The following INSR variants were observed in gnomAD, a reference collection of about 807,000 sequenced individuals.
INSR encodes IR.
A neutral mutation model predicts 142.6 loss-of-function variants in INSR; 67 were observed. The ratio of observed to expected loss-of-function variants is 0.47; its 90% CI spans 0.39 to 0.58. The LOEUF (loss-of-function observed/expected upper bound fraction) is 0.58. Among genes scored for constraint, INSR ranks in the 20% least tolerant of loss-of-function variants. The pLI, the probability that INSR is intolerant of heterozygous loss-of-function variation, is 0.00. For synonymous variants in INSR, 756 were observed against 743.1 expected, an observed-to-expected ratio of 1.02 and a Z score of -0.28; for missense variants, 1,248 against 1,833.2, an observed-to-expected ratio of 0.68 and a Z score of 5.83.
intron 2 of INSR, among the ~76,000 whole-genome samples, chr19:7,222,428 C>T (rs527479363): frequency 4.1e-4 from 62 of 152,214 alleles, no homozygotes; most frequent in African/African-American, 1.5e-3. Flanking sequence ...GGGTCTTGCT[C>T]TGTTGTCCTG....
chr19:7,184,822 A>C (rs1207004181), intron 2 of INSR, among the ~76,000 whole-genome samples, 185 bp from the exon 3 acceptor site: 1 of 152,158 alleles, frequency 6.6e-6, no homozygotes, highest in Non-Finnish European at 1.5e-5. Context: ...TGTCAGACAC[A>C]TCTATTAACT....
At chr19:7,176,397 T>A (rs1348010616) in intron 3 of INSR, among the ~76,000 whole-genome samples, 1 of 152,208 alleles carries the variant, frequency 6.6e-6, no homozygotes, top group East Asian at 1.9e-4. Flanking sequence ...GGCCAGGAGT[T>A]CGAGACCAGC....
intron 17 of INSR, among the ~76,000 whole-genome samples, chr19:7,124,952 T>G (rs920729065): frequency 6.6e-6 from 1 of 151,554 alleles, no homozygotes; most frequent in Non-Finnish European, 1.5e-5. Context: ...CAATGGAAGA[T>G]TGTGGAAAAT....
At chr19:7,275,538 T>G (rs894709749) in intron 1 of INSR, among the ~76,000 whole-genome samples, 1 of 151,998 alleles carries the variant, frequency 6.6e-6, no homozygotes, top group Non-Finnish European at 1.5e-5. Context: ...ATCCCAGCAC[T>G]TTGGGAGGCC....
intron 13 of INSR, 76 bp downstream of exon 13, chr19:7,141,601 G>A (rs1391690005): frequency 1.3e-6 from 2 of 1,594,344 alleles, no homozygotes; most frequent in South Asian, 1.1e-5. Flanking sequence ...TTCAGCAGAG[G>A]AAGGAGGTAC....
intron 19 of INSR, among the ~76,000 whole-genome samples, chr19:7,121,586 C>A (rs36035559): frequency 0.11 from 17,159 of 152,108 alleles, 1,297 homozygotes; most frequent in Non-Finnish European, 0.16. Flanking sequence ...CCCACCCCAG[C>A]CTCCTGAGTA....
rs1968581001 is a variant in INSR, at chr19:7,294,299, C to A, written c.-408G>T. Among the ~76,000 whole-genome samples, 1 of 149,958 alleles carries A rather than the reference C, an allele frequency of 6.7e-6. No individual in the cohort carries two copies. On this transcript the variant is annotated 5_prime_UTR_variant, in exon 1 of 22. Coordinates refer to ENST00000302850, the MANE Select transcript of INSR (RefSeq NM_000208.4). ...ACGGACTAGCTGACTGGCGGGCGGG[C>A]ACCTGGGCTGGCGGGTGGCGGGCGG... is the stretch of plus-strand genomic sequence containing the variant.
intron 13 of INSR, among the ~76,000 whole-genome samples, chr19:7,133,565 T>G (rs774809023): frequency 6.6e-6 from 1 of 152,070 alleles, no homozygotes; most frequent in Non-Finnish European, 1.5e-5. Context: ...TTAATCATTT[T>G]AAAATGCAAA....
intron 9 of INSR, among the ~76,000 whole-genome samples, chr19:7,161,131 T>C (rs1464154026): frequency 6.7e-6 from 1 of 149,630 alleles, no homozygotes; most frequent in African/African-American, 2.4e-5. Context: ...TAAGAAAAAT[T>C]TGTCATTAAG....
chr19:7,151,061 TTTC>T (rs1973326662), intron 10 of INSR, among the ~76,000 whole-genome samples: 1 of 73,452 alleles, frequency 1.4e-5, no homozygotes, highest in African/African-American at 3.1e-5. Context: ...TTCTCTTTCT[TTTC>T]TTTCTTTTCC....
intron 11 of INSR, 82 bp from the exon 12 acceptor site, chr19:7,143,172 G>T: frequency 6.7e-7 from 1 of 1,489,726 alleles, no homozygotes. Flanking sequence ...TAAAAGGCTT[G>T]ATTAAGAAGA....
intron 1 of INSR, among the ~76,000 whole-genome samples, chr19:7,289,405 CTTTT>C (rs777933899): frequency 7.7e-6 from 1 of 130,216 alleles, no homozygotes; most frequent in Non-Finnish European, 1.7e-5. Flanking sequence ...TTTTTCTTTT[CTTTT>C]TTTTTTTTTT....
chr19:7,233,923 G>A (rs867524764), intron 2 of INSR, among the ~76,000 whole-genome samples: 16 of 151,184 alleles, frequency 1.1e-4, no homozygotes, highest in South Asian at 4.2e-4. Flanking sequence ...TGATGTGCCC[G>A]CATTCTGTCA....
At chr19:7,142,667 TG>T in intron 12 of INSR, 148 bp downstream of exon 12, 1 of 950,228 alleles carries the variant, frequency 1.1e-6, no homozygotes, top group Non-Finnish European at 1.6e-6. Context: ...TACTCCAGCC[TG>T]GGCGACAGAG....
chr19:7,221,397 AG>A (rs1975608684), intron 2 of INSR, among the ~76,000 whole-genome samples: 1 of 143,828 alleles, frequency 7.0e-6, no homozygotes, highest in Admixed American at 7.1e-5. Context: ...GAGGAGGAGG[AG>A]GAGGAGGAAA....
At chr19:7,276,442 CAGTA>C (rs1312700730) in intron 1 of INSR, among the ~76,000 whole-genome samples, 1 of 136,314 alleles carries the variant, frequency 7.3e-6, no homozygotes, top group African/African-American at 2.6e-5. Flanking sequence ...CAAGCCCGGC[CAGTA>C]ACAGCATTCT....
At position 7,115,007 on chromosome 19, in the gene INSR, C is replaced by T. The variant is rs938560830; in HGVS notation, c.*2049G>A. ...TGCTTCTTGTACCCAATCACTGAGG[C>T]TCCTCAGCAATATTTTTACATGCTG... On this transcript the variant is annotated 3_prime_UTR_variant, in exon 22 of 22. Coordinates refer to ENST00000302850, the MANE Select transcript of INSR (RefSeq NM_000208.4). The T allele has an allele frequency of 2.0e-5, 3 of 152,014 alleles. No individual in the cohort carries two copies. The highest frequency in any genetic ancestry group is 2.9e-5 in the Non-Finnish European group (2 of 68,018). The allele number at this position is 152,014 out of a possible 1,614,324, so 9.4% of individuals were successfully genotyped here.
Position 7,267,313 on chromosome 19 carries a change from A to T in INSR, c.652+32T>A. Reference sequence around the variant, plus strand: ...TAAGCTTTCTAGAACAAGGCACGAGACACTGCTTAGAACCCTGTATCCCCG... The same window carrying T: ...TAAGCTTTCTAGAACAAGGCACGAGTCACTGCTTAGAACCCTGTATCCCCG... On this transcript the variant is annotated intron_variant, in intron 2 of 21. Transcript: ENST00000302850. This position sits in a 1 kb window ranked among gnomAD's most constrained non-coding sequence, Gnocchi z 6.3. The T allele has an allele frequency of 6.2e-7, 1 of 1,608,974 alleles. No individual in the cohort carries two copies. Among genetic ancestry groups the T allele is most frequent in the Non-Finnish European group, 8.5e-7 (1 of 1,175,746 alleles).
At chr19:7,152,428 T>G (rs1175773298) in intron 10 of INSR, 1 of 435,332 alleles carries the variant, frequency 2.3e-6, no homozygotes, top group Non-Finnish European at 4.3e-6. Context: ...GTTAATCGTC[T>G]AACGGAGTTT....
Sources: gnomAD v4.1 joint callset for allele counts (sites outside exome capture counted in the v4.1 genomes callset) on GRCh38, gnomAD v4.1.1 for gene constraint, Gnocchi (gnomAD v3.1) non-coding constraint, MANE v1.5 for transcripts, NCBI Gene and HGNC (gene_info 2026-07-23, HGNC 2026-07-21) for gene names.